CR1: variants seen among roughly 807,000 people sequenced by gnomAD.
The protein encoded by CR1 is complement receptor type 1.
Under a neutral mutation model 187.3 loss-of-function variants are expected in CR1, and 116 were observed. That is an observed-to-expected ratio of 0.62 (90% CI 0.53 to 0.72). CR1 has a LOEUF of 0.72. Among genes scored for constraint, CR1 ranks in the 30% least tolerant of loss-of-function variants. The pLI is 0.00. For synonymous variants in CR1, 576 were observed against 747.1 expected (o/e 0.77, Z 3.73); for missense variants, 1,731 against 2,110.7 (o/e 0.82, Z 3.52).
intron 1 of CR1, among the ~76,000 whole-genome samples, chr1:207,498,884 A>AAAAAAAAAAAG (rs1246570046): frequency 6.7e-6 from 1 of 149,160 alleles, no homozygotes; most frequent in East Asian, 1.9e-4. Flanking sequence ...AATCAAAAAA[A>AAAAAAAAAAAG]AAAAAAAAAG....
intron 40 of CR1, among the ~76,000 whole-genome samples, chr1:207,616,328 A>G (rs1274858034): frequency 4.6e-5 from 7 of 152,332 alleles, no homozygotes; most frequent in Non-Finnish European, 1.0e-4. Context: ...TTCCAAATTC[A>G]TTGTGAACAT....
chr1:207,573,933 A>G (rs1571544810), intron 27 of CR1, among the ~76,000 whole-genome samples: 1 of 152,124 alleles, frequency 6.6e-6, no homozygotes, highest in Non-Finnish European at 1.5e-5. Flanking sequence ...GGAGCTCAAG[A>G]CCAGCCTAGA....
chr1:207,628,721 A>G (rs1418355609), intron 45 of CR1, among the ~76,000 whole-genome samples: 3 of 152,238 alleles, frequency 2.0e-5, no homozygotes, highest in East Asian at 3.8e-4. Flanking sequence ...AGAACTGTAC[A>G]TAGTACAAAC....
intron 46 of CR1, among the ~76,000 whole-genome samples, chr1:207,631,764 C>T (rs1662652288): frequency 6.6e-6 from 1 of 152,150 alleles, no homozygotes; most frequent in African/African-American, 2.4e-5. Context: ...CTAAAATGTC[C>T]TACCCATAGG....
rs57595766 is a variant in CR1 at position 207,497,545 on chromosome 1, G to A, written c.121+1157G>A. Among the ~76,000 whole-genome samples the A allele has an allele frequency of 4.6e-5, 7 of 152,236 alleles. No individual in the cohort carries two copies. The East Asian group carries it at 1.2e-3, about 25-fold the overall frequency. On this transcript the variant is annotated intron_variant, in intron 1 of 46. Transcript: ENST00000367049. ...ATAAAATAAAGTAGAACCAAGTCCCGCAAGAGTTGTTATTAATATTTGATC... is the reference window on the plus strand; with the variant it reads ...ATAAAATAAAGTAGAACCAAGTCCCACAAGAGTTGTTATTAATATTTGATC...
intron 35 of CR1, among the ~76,000 whole-genome samples, chr1:207,599,991 G>C (rs1157673259): frequency 6.6e-6 from 1 of 152,194 alleles, no homozygotes; most frequent in African/African-American, 2.4e-5. Context: ...TTGAGCAAGA[G>C]ACGGCAAAAT....
intron 4 of CR1, among the ~76,000 whole-genome samples, chr1:207,517,397 A>G (rs1349567584): frequency 3.9e-5 from 6 of 152,068 alleles, no homozygotes; most frequent in Non-Finnish European, 8.8e-5. Flanking sequence ...CTTTGGAAAT[A>G]TTGCTGGATT....
chr1:207,618,579 C>T (rs1048782236), intron 42 of CR1, among the ~76,000 whole-genome samples: 4 of 152,024 alleles, frequency 2.6e-5, no homozygotes, highest in African/African-American at 9.7e-5. Context: ...TGCAGGAAGA[C>T]CACAGACCAC....
At chr1:207,638,100 T>G (rs1056469435) in intron 46 of CR1, among the ~76,000 whole-genome samples, 8 of 152,220 alleles carry the variant, frequency 5.3e-5, no homozygotes, top group Admixed American at 1.3e-4. Flanking sequence ...GAGTGGTACA[T>G]TCCTTACTGT....
At chr1:207,638,304 A>G (rs1662877536) in intron 46 of CR1, among the ~76,000 whole-genome samples, 1 of 152,226 alleles carries the variant, frequency 6.6e-6, no homozygotes, top group Non-Finnish European at 1.5e-5. Flanking sequence ...CCATTACAGC[A>G]AAACAAGATA....
intron 4 of CR1, among the ~76,000 whole-genome samples, chr1:207,514,418 A>G (rs1370800431): frequency 6.6e-6 from 1 of 152,114 alleles, no homozygotes; most frequent in Non-Finnish European, 1.5e-5. Context: ...TGACATTAGG[A>G]AGTGAGGCCT....
At chr1:207,525,034 C>T (rs1025664779) in intron 5 of CR1, among the ~76,000 whole-genome samples, 2 of 152,076 alleles carry the variant, frequency 1.3e-5, no homozygotes, top group African/African-American at 2.4e-5. Context: ...AGAGGAAGCA[C>T]GCATATCTTC....
At chr1:207,581,594 A>G (rs1404365155) in intron 31 of CR1, among the ~76,000 whole-genome samples, 1 of 152,184 alleles carries the variant, frequency 6.6e-6, no homozygotes, top group Non-Finnish European at 1.5e-5. Context: ...ATTATTTCAC[A>G]AAACTTTTAA....
chr1:207,566,392 G>A (rs1390566021), intron 24 of CR1, among the ~76,000 whole-genome samples: 2 of 149,398 alleles, frequency 1.3e-5, no homozygotes, highest in Non-Finnish European at 2.9e-5. Flanking sequence ...CACAAATATT[G>A]AACATGGCTT....
intron 4 of CR1, among the ~76,000 whole-genome samples, chr1:207,515,266 C>T (rs528467831): frequency 1.4e-4 from 18 of 127,556 alleles, no homozygotes; most frequent in East Asian, 6.6e-4. Flanking sequence ...TATACGTATA[C>T]GTATACATAT....
At chr1:207,622,053 A>G (rs1553302086) in intron 44 of CR1, 57 bp downstream of exon 44, 2 of 1,351,770 alleles carry the variant, frequency 1.5e-6, no homozygotes, top group Non-Finnish European at 1.0e-6. Context: ...GTAAGTACCT[A>G]CCTATAATGA....
intron 1 of CR1, among the ~76,000 whole-genome samples, chr1:207,498,715 C>G (rs1572980596): frequency 6.6e-6 from 1 of 151,238 alleles, no homozygotes; most frequent in South Asian, 2.1e-4. Context: ...CCTGTCTCTA[C>G]AAAAACACAA....
At chr1:207,593,356 GA>G (rs1217242232) in intron 35 of CR1, among the ~76,000 whole-genome samples, 93 of 152,288 alleles carry the variant, frequency 6.1e-4, no homozygotes, top group Middle Eastern at 3.4e-3. Flanking sequence ...AAGCAATGGG[GA>G]AAGGATTCCC....
At chr1:207,573,908 T>G (rs1231931947) in intron 27 of CR1, among the ~76,000 whole-genome samples, 3 of 151,864 alleles carry the variant, frequency 2.0e-5, no homozygotes, top group South Asian at 2.1e-4. Context: ...GAGGCAAGAG[T>G]ATCACTTGAG....
Sources: gnomAD v4.1 joint callset for allele counts (sites outside exome capture counted in the v4.1 genomes callset) on GRCh38, gnomAD v4.1.1 for gene constraint, MANE v1.5 for transcripts, NCBI Gene and HGNC (gene_info 2026-07-23, HGNC 2026-07-21) for gene names.